CNTNAP5: variants seen among roughly 807,000 people sequenced by gnomAD.
CNTNAP5 encodes the protein contactin-associated protein-like 5.
In CNTNAP5, 72 loss-of-function variants were observed where a neutral mutation model predicts 150.2. The ratio of observed to expected loss-of-function variants is 0.48; its 90% CI spans 0.40 to 0.58. The LOEUF (loss-of-function observed/expected upper bound fraction) is 0.58. CNTNAP5 is among the 20% of genes least tolerant of loss of function. The pLI is 0.00. For synonymous variants in CNTNAP5, 672 were observed against 619.8 expected (o/e 1.08, Z -1.25); for missense variants, 1,636 against 1,626.2 (o/e 1.01, Z -0.10).
At chr2:124,645,867 T>G (rs1230837246) in intron 12 of CNTNAP5, among the ~76,000 whole-genome samples, 2 of 151,590 alleles carry the variant, frequency 1.3e-5, no homozygotes, top group Non-Finnish European at 2.9e-5. Context: ...TGGTGGAAGG[T>G]GAAGAGGGAG....
intron 13 of CNTNAP5, among the ~76,000 whole-genome samples, chr2:124,665,377 C>A (rs528230859): frequency 2.6e-5 from 4 of 152,162 alleles, no homozygotes; most frequent in Non-Finnish European, 4.4e-5. Flanking sequence ...ATTTGGTTAA[C>A]GTCAAAATTA....
chr2:124,109,569 T>C (rs1269810109), intron 1 of CNTNAP5, among the ~76,000 whole-genome samples: 3 of 152,170 alleles, frequency 2.0e-5, no homozygotes, highest in Non-Finnish European at 4.4e-5. Flanking sequence ...CCATCCTTCT[T>C]GGACTGGGAA....
chr2:124,325,531 GT>G (rs72225091), intron 3 of CNTNAP5, among the ~76,000 whole-genome samples: 1,896 of 152,148 alleles, frequency 0.012, 40 homozygotes, highest in African/African-American at 0.041. Flanking sequence ...GAAGTGATTT[GT>G]TTTTTTATTT....
intron 13 of CNTNAP5, among the ~76,000 whole-genome samples, chr2:124,665,053 C>A (rs10195554): frequency 6.6e-6 from 1 of 151,864 alleles, no homozygotes; most frequent in Non-Finnish European, 1.5e-5. Flanking sequence ...ATAGCCTTAA[C>A]GTCTATCAGC....
intron 6 of CNTNAP5, among the ~76,000 whole-genome samples, chr2:124,466,355 G>A (rs1476484360): frequency 1.3e-5 from 2 of 151,926 alleles, no homozygotes; most frequent in South Asian, 2.1e-4. Flanking sequence ...AAAATTTGAT[G>A]GTTTCCTGTA....
chr2:124,454,725 C>A (rs1043281912), intron 6 of CNTNAP5, among the ~76,000 whole-genome samples: 3 of 152,014 alleles, frequency 2.0e-5, no homozygotes, highest in Admixed American at 2.0e-4. Flanking sequence ...ATCTGAAAAT[C>A]AACTCCAAAA....
At chr2:124,316,384 G>GA (rs1460303183) in intron 3 of CNTNAP5, among the ~76,000 whole-genome samples, 1 of 152,174 alleles carries the variant, frequency 6.6e-6, no homozygotes, top group East Asian at 1.9e-4. Flanking sequence ...GCACATGAGT[G>GA]AATTGGTGAT....
At chr2:124,617,359 A>T (rs1315374134) in intron 12 of CNTNAP5, among the ~76,000 whole-genome samples, 5 of 152,162 alleles carry the variant, frequency 3.3e-5, no homozygotes, top group Non-Finnish European at 5.9e-5. Context: ...CTGCAGTGCC[A>T]CACTTCCTGT....
At chr2:124,358,746 T>G (rs369064695) in intron 3 of CNTNAP5, among the ~76,000 whole-genome samples, 15 of 152,162 alleles carry the variant, frequency 9.9e-5, no homozygotes, top group African/African-American at 1.9e-4. Flanking sequence ...GTTCATCAAG[T>G]ATATTGGTCT....
intron 1 of CNTNAP5, among the ~76,000 whole-genome samples, chr2:124,028,782 A>G (rs1680964689): frequency 6.6e-6 from 1 of 152,172 alleles, no homozygotes; most frequent in Admixed American, 6.5e-5. Context: ...CTAAGCGTTC[A>G]AATACCTATT....
chr2:124,559,889 G>A (rs532505961), intron 10 of CNTNAP5, among the ~76,000 whole-genome samples: 35 of 152,246 alleles, frequency 2.3e-4, no homozygotes, highest in African/African-American at 7.9e-4. Context: ...CAAGCTTGAA[G>A]GCAGCTCTAC....
chr2:124,042,898 A>C (rs2104633549), intron 1 of CNTNAP5, among the ~76,000 whole-genome samples: 1 of 152,294 alleles, frequency 6.6e-6, no homozygotes, highest in South Asian at 2.1e-4. Flanking sequence ...AGGTGACGTA[A>C]CTACGTGACT....
chr2:124,378,470 A>C (rs188605634), intron 3 of CNTNAP5, among the ~76,000 whole-genome samples: 2 of 152,244 alleles, frequency 1.3e-5, no homozygotes, highest in East Asian at 1.9e-4. Flanking sequence ...ACATATTATC[A>C]ATGTAAAACA....
intron 1 of CNTNAP5, among the ~76,000 whole-genome samples, chr2:124,039,763 T>G (rs1188282689): frequency 6.6e-6 from 1 of 152,188 alleles, no homozygotes; most frequent in Non-Finnish European, 1.5e-5. Context: ...GTATGGGTAA[T>G]AAAATTTAAT....
intron 10 of CNTNAP5, among the ~76,000 whole-genome samples, chr2:124,540,376 T>C (rs547031320): frequency 6.3e-4 from 96 of 152,312 alleles, no homozygotes; most frequent in African/African-American, 2.2e-3. Flanking sequence ...CATTAGCATT[T>C]GTGTATGTAC....
intron 1 of CNTNAP5, among the ~76,000 whole-genome samples, chr2:124,094,359 T>G (rs1032829581): frequency 2.3e-4 from 35 of 152,206 alleles, no homozygotes; most frequent in African/African-American, 8.0e-4. Flanking sequence ...AACTCCATTT[T>G]CTTCATCTGA....
At chr2:124,709,124 T>A (rs1474471949) in intron 13 of CNTNAP5, among the ~76,000 whole-genome samples, 1 of 152,092 alleles carries the variant, frequency 6.6e-6, no homozygotes. Context: ...GCAAGTTTCT[T>A]TGGACAATCT....
Position 124,419,988 on chromosome 2 carries a change from C to T in CNTNAP5, c.529+2398C>T, listed in dbSNP as rs952011397. ...TCTCTCTCTCTTTCTTTCTTTCTTT[C>T]TTTTTTTTTTTTTTTTTTTTTGAGA... On this transcript the variant is annotated intron_variant, in intron 4 of 23. Transcript: ENST00000682447. Among the ~76,000 whole-genome samples the T allele has an allele frequency of 3.3e-3, 258 of 78,794 alleles. 18 individuals are homozygous for T. The highest frequency in any genetic ancestry group is 0.01 in the East Asian group (29 of 2,808). 51.7% of individuals were successfully genotyped at this position (78,794 alleles called of 152,430 possible).
rs114991481 is a variant in CNTNAP5 at position 124,416,453 on chromosome 2, T to C, written c.382-990T>C. 4.1e-3 allele frequency among the ~76,000 whole-genome samples: 624 copies of C among 152,170 alleles called. 1 individual carries two copies. The highest frequency in any genetic ancestry group is 0.014 in the African/African-American group (593 of 41,504). Reference sequence around the variant, plus strand: ...TCCAAATAAAGGCTATGAAGTACAATATTAGTAGACCACATAGCTTTTGTG... The same window carrying C: ...TCCAAATAAAGGCTATGAAGTACAACATTAGTAGACCACATAGCTTTTGTG... On this transcript the variant is annotated intron_variant, in intron 3 of 23. Transcript: ENST00000682447.
Sources: gnomAD v4.1 joint callset for allele counts (sites outside exome capture counted in the v4.1 genomes callset) on GRCh38, gnomAD v4.1.1 for gene constraint, MANE v1.5 for transcripts, NCBI Gene and HGNC (gene_info 2026-07-23, HGNC 2026-07-21) for gene names.